Variants in CYB5RL observed in about 807,000 individuals in gnomAD.
CYB5RL encodes NADH-cytochrome b5 reductase-like.
A neutral mutation model predicts 37.5 loss-of-function variants in CYB5RL; 38 were observed. That is an observed-to-expected ratio of 1.01 (90% CI 0.78 to 1.33). The LOEUF (loss-of-function observed/expected upper bound fraction) is 1.33, where lower values mean the gene tolerates loss of function less well. Among genes scored for constraint, CYB5RL ranks in the 40% most tolerant of loss-of-function variants. The pLI, the probability that CYB5RL is intolerant of heterozygous loss-of-function variation, is 0.00. For synonymous variants in CYB5RL, 141 were observed against 151.9 expected (o/e 0.93, Z 0.53); for missense variants, 388 against 394.4 (o/e 0.98, Z 0.14).
At chr1:54,190,625 A>T in intron 4 of CYB5RL, 123 bp downstream of exon 4, 1 of 1,226,686 alleles carries the variant, frequency 8.2e-7, no homozygotes, top group Non-Finnish European at 1.2e-6. Flanking sequence ...ATGTGTCACT[A>T]TGTCTATCTT....
Position 54,174,586 on chromosome 1 carries a change from C to G in CYB5RL, c.*33G>C, listed in dbSNP as rs746870652. The G allele has an allele frequency of 1.3e-6, 2 of 1,579,094 alleles. No homozygotes were observed. The highest frequency in any genetic ancestry group is 2.3e-5 in the South Asian group (2 of 86,258). On this transcript the variant is annotated 3_prime_UTR_variant, in exon 8 of 8. Coordinates refer to ENST00000534324, the MANE Select transcript of CYB5RL (RefSeq NM_001031672.4). ...CTCCTTCCTGGGTCCCAGTAGCAGG[C>G]TCATGGCCTAGGCTTTGGAAGAGAG...
chr1:54,198,806 T>A (rs1412788153), intron 1 of CYB5RL, among the ~76,000 whole-genome samples: 2 of 151,830 alleles, frequency 1.3e-5, no homozygotes, highest in Non-Finnish European at 2.9e-5. Flanking sequence ...TAATTTTTTT[T>A]TTATTATTTT....
intron 6 of CYB5RL, among the ~76,000 whole-genome samples, chr1:54,180,757 C>T (rs1318693242): frequency 6.6e-6 from 1 of 152,130 alleles, no homozygotes; most frequent in African/African-American, 2.4e-5. Context: ...AGCTCTTTCA[C>T]CAATATAATC....
chr1:54,175,262 T>G (rs2100455674), intron 7 of CYB5RL, among the ~76,000 whole-genome samples: 2 of 152,380 alleles, frequency 1.3e-5, no homozygotes, highest in Middle Eastern at 3.4e-3. Flanking sequence ...AACATATTCA[T>G]TTAGCAGATA....
chr1:54,171,526 A>G lies in CYB5RL; in HGVS notation c.*3093T>C, dbSNP rs1659892666. 4.7e-6 allele frequency: 2 copies of G among 427,542 alleles called. No individual in the cohort carries two copies. The highest frequency in any genetic ancestry group is 2.5e-5 in the Admixed American group (1 of 40,560). The allele number at this position is 427,542 out of a possible 1,614,324, so 26.5% of individuals were successfully genotyped here. Reference sequence around the variant, plus strand: ...CATGGTGAGGGCTGAACTAAAGCCAATGCCGCTTCTGCGACCAAGAATCTG... The same window carrying G: ...CATGGTGAGGGCTGAACTAAAGCCAGTGCCGCTTCTGCGACCAAGAATCTG... On this transcript the variant is annotated 3_prime_UTR_variant, in exon 8 of 8. Transcript: ENST00000534324.
chr1:54,186,800 C>T (rs1301716680), intron 5 of CYB5RL, among the ~76,000 whole-genome samples: 2 of 151,908 alleles, frequency 1.3e-5, no homozygotes, highest in Non-Finnish European at 2.9e-5. Flanking sequence ...GCTGAGGTCT[C>T]GGTGTCAGGG....
intron 4 of CYB5RL, among the ~76,000 whole-genome samples, chr1:54,190,366 G>C (rs1643939576): frequency 6.6e-6 from 1 of 152,190 alleles, no homozygotes; most frequent in African/African-American, 2.4e-5. Flanking sequence ...AAGCCACATT[G>C]CTTGCCTTCA....
intron 7 of CYB5RL, among the ~76,000 whole-genome samples, chr1:54,178,757 A>T (rs185225652): frequency 3.3e-5 from 5 of 152,340 alleles, no homozygotes; most frequent in Admixed American, 6.5e-5. Flanking sequence ...CTCAAGGAAC[A>T]TCACTCAGTT....
intron 1 of CYB5RL, among the ~76,000 whole-genome samples, chr1:54,198,798 A>AT (rs545571241): frequency 1.5e-3 from 225 of 148,846 alleles, no homozygotes; most frequent in Non-Finnish European, 2.3e-3. Context: ...CGCCTCGCTA[A>AT]TTTTTTTTTT....
At chr1:54,189,937 A>G (rs965328092) in intron 4 of CYB5RL, among the ~76,000 whole-genome samples, 2 of 152,138 alleles carry the variant, frequency 1.3e-5, no homozygotes, top group African/African-American at 4.8e-5. Flanking sequence ...CCAATACCGT[A>G]GATGCTGGTG....
chr1:54,188,939 C>A (rs1643925951), intron 4 of CYB5RL, among the ~76,000 whole-genome samples: 1 of 152,218 alleles, frequency 6.6e-6, no homozygotes, highest in Admixed American at 6.5e-5. Context: ...AATCCCAGCA[C>A]TCTGGGAGGC....
intron 1 of CYB5RL, among the ~76,000 whole-genome samples, chr1:54,199,141 T>C (rs931130469): frequency 4.6e-5 from 7 of 152,190 alleles, no homozygotes; most frequent in Non-Finnish European, 1.0e-4. Flanking sequence ...GCCTTGGTTT[T>C]AAAGGTCACC....
chr1:54,180,252 A>AC (rs35183390), intron 6 of CYB5RL: 1 of 407,066 alleles, frequency 2.5e-6, no homozygotes, highest in South Asian at 1.9e-5. Context: ...AAAAAAAAAA[A>AC]GGTGAGTTCC....
Position 54,195,471 on chromosome 1 carries a change from T to G in CYB5RL, c.146A>C (p.Glu49Ala). Residue 49 changes from glutamate (E) to alanine (A), a missense_variant, in exon 3 of 8, where the codon GAG (glutamate) becomes GCG (alanine). By Grantham distance (107) the Glu-to-Ala change is moderately radical (BLOSUM62 -1). Transcript: ENST00000534324. ...CCTGTCCTTGCTGGCTTGGGCTGCC[T>G]CCCACCTTGCCAGATCTCGGTGATA... ...DLYHRDLARW[E>A]AAQASKDRSL... The G allele has an allele frequency of 6.2e-7, 1 of 1,612,118 alleles. No individual in the cohort carries two copies. The highest frequency in any genetic ancestry group is 1.3e-5 in the African/African-American group (1 of 74,838).
intron 3 of CYB5RL, among the ~76,000 whole-genome samples, chr1:54,193,371 G>A (rs1211393394): frequency 6.6e-6 from 1 of 152,190 alleles, no homozygotes; most frequent in African/African-American, 2.4e-5. Flanking sequence ...CCTGAGTTAG[G>A]AAGAGAAATG....
intron 4 of CYB5RL, among the ~76,000 whole-genome samples, chr1:54,190,171 T>A (rs996514618): frequency 3.9e-5 from 6 of 152,066 alleles, no homozygotes; most frequent in African/African-American, 1.4e-4. Flanking sequence ...GGGAGTAGAG[T>A]GCCTAAGTAG....
intron 1 of CYB5RL, among the ~76,000 whole-genome samples, chr1:54,197,861 A>G (rs948180537): frequency 6.6e-6 from 1 of 151,736 alleles, no homozygotes; most frequent in African/African-American, 2.4e-5. Flanking sequence ...CTCTGCTAAA[A>G]ATACAAAAAC....
chr1:54,190,710 G>C (rs758344657), intron 4 of CYB5RL, 38 bp downstream of exon 4: 1 of 1,551,240 alleles, frequency 6.4e-7, no homozygotes, highest in South Asian at 1.2e-5. Context: ...AGCAAAGCAG[G>C]GCTGTGAAGC....
At chr1:54,176,993 A>G (rs1292085975) in intron 7 of CYB5RL, among the ~76,000 whole-genome samples, 10 of 152,212 alleles carry the variant, frequency 6.6e-5, no homozygotes, top group Admixed American at 6.5e-4. Flanking sequence ...AAGGCCCAGA[A>G]GCCAGAAAAG....
Sources: allele counts gnomAD v4.1 joint callset (sites outside exome capture counted in the v4.1 genomes callset), GRCh38; gene constraint gnomAD v4.1.1; transcripts MANE v1.5; gene names NCBI Gene and HGNC (gene_info 2026-07-23, HGNC 2026-07-21).